MRGPRX2: variants seen among roughly 807,000 people sequenced by gnomAD.
The protein encoded by MRGPRX2 is MAS related GPR family member X2.
For synonymous variants in MRGPRX2, 183 were observed against 175.6 expected (o/e 1.04, Z -0.33); for missense variants, 389 against 404.5 (o/e 0.96, Z 0.33).
Position 19,056,033 on chromosome 11 carries a change from T to C in MRGPRX2, c.370A>G (p.Ser124Gly). The C allele has an allele frequency of 1.2e-6, 2 of 1,614,192 alleles. No individual in the cohort carries two copies. The highest frequency in any genetic ancestry group is 1.7e-6 in the Non-Finnish European group (2 of 1,180,018). ...LAGLSMLSTV[S>G]TERCLSVLWP... ...AGGACGGACAGGCAGCGCTCGGTGC[T>C]GACGGTGCTCAGCATGCTCAGGCCT... The change falls in exon 2 of 2, where the codon AGC (serine) becomes GGC (glycine). Residue 124 changes from serine (S) to glycine (G), a missense_variant. Transcript: ENST00000329773.
At chr11:19,057,845 G>T (rs191096747) in intron 1 of MRGPRX2, among the ~76,000 whole-genome samples, 1 of 152,286 alleles carries the variant, frequency 6.6e-6, no homozygotes, top group Non-Finnish European at 1.5e-5. Context: ...AAGCACAAAT[G>T]TATTGAGTAA....
intron 1 of MRGPRX2, among the ~76,000 whole-genome samples, chr11:19,059,889 T>G (rs12804585): frequency 0.48 from 73,467 of 151,504 alleles, 20,362 homozygotes; most frequent in Non-Finnish European, 0.61. Flanking sequence ...ACATTGACAG[T>G]AGATTGGGGG....
intron 1 of MRGPRX2, among the ~76,000 whole-genome samples, chr11:19,059,228 C>G (rs1015671146): frequency 2.6e-5 from 4 of 152,162 alleles, no homozygotes; most frequent in East Asian, 3.9e-4. Flanking sequence ...AGTGATATAA[C>G]CAGCTACTCC....
chr11:19,056,475 T>C (rs10833050), intron 1 of MRGPRX2, 48 bp from the exon 2 acceptor site: 403,617 of 1,529,738 alleles, frequency 0.26, 54,564 homozygotes, highest in African/African-American at 0.41. Flanking sequence ...TTCACTGATT[T>C]TCATGACCAG....
In MRGPRX2 at chr11:19,055,458, T is replaced by G; in HGVS notation, c.945A>C (p.Gly315=). ...QDIAEVDHSE[G]CFRQGTPEMS... is the part of the protein sequence containing the mutation. ...TCTCCGGGGTGCCCTGACGGAAGCATCCTTCACTGTGATCCACCTCAGCAA... is the reference window on the plus strand; with the variant it reads ...TCTCCGGGGTGCCCTGACGGAAGCAGCCTTCACTGTGATCCACCTCAGCAA... The change falls in exon 2 of 2, where the codon GGA becomes GGC. Residue 315 remains glycine, a synonymous_variant. Transcript: ENST00000329773. The G allele has an allele frequency of 6.2e-7, 1 of 1,612,618 alleles. No individual in the cohort carries two copies. The highest frequency in any genetic ancestry group is 1.7e-5 in the Admixed American group (1 of 60,010).
intron 1 of MRGPRX2, among the ~76,000 whole-genome samples, chr11:19,059,923 C>T (rs1469502711): frequency 1.3e-5 from 2 of 152,296 alleles, no homozygotes; most frequent in East Asian, 3.9e-4. Context: ...AATTTCCTGG[C>T]TCTCTCCCTG....
intron 1 of MRGPRX2, among the ~76,000 whole-genome samples, chr11:19,058,423 A>ATT (rs35629793): frequency 5.3e-4 from 75 of 141,232 alleles, no homozygotes; most frequent in Admixed American, 1.2e-3. Context: ...TTGCACCTGT[A>ATT]TTTTTTTTTT....
intron 1 of MRGPRX2, among the ~76,000 whole-genome samples, chr11:19,059,930 C>T (rs942397074): frequency 2.6e-5 from 4 of 152,178 alleles, no homozygotes; most frequent in African/African-American, 9.7e-5. Flanking sequence ...TGGCTCTCTC[C>T]CTGCGCCCTG....
At chr11:19,058,238 A>C (rs1849635933) in intron 1 of MRGPRX2, among the ~76,000 whole-genome samples, 2 of 152,178 alleles carry the variant, frequency 1.3e-5, no homozygotes, top group African/African-American at 2.4e-5. Context: ...CCAAGGGGAA[A>C]GTGAATGTGT....
chr11:19,059,965 G>A (rs1013667865), intron 1 of MRGPRX2, among the ~76,000 whole-genome samples: 3 of 152,226 alleles, frequency 2.0e-5, no homozygotes, highest in Non-Finnish European at 4.4e-5. Flanking sequence ...GGCAGTGGCA[G>A]TGTTTTTCTA....
chr11:19,059,638 A>C (rs928111284), intron 1 of MRGPRX2, among the ~76,000 whole-genome samples: 1 of 152,182 alleles, frequency 6.6e-6, no homozygotes, highest in Non-Finnish European at 1.5e-5. Context: ...ATAGAATGAG[A>C]AATTGATTCA....
At chr11:19,058,473 T>C (rs998604986) in intron 1 of MRGPRX2, among the ~76,000 whole-genome samples, 1 of 150,838 alleles carries the variant, frequency 6.6e-6, no homozygotes, top group African/African-American at 2.4e-5. Context: ...CAGGCTGGAG[T>C]GCAGTGGCTC....
rs987252155 is a variant in MRGPRX2 at position 19,055,389 on chromosome 11, G to A, written c.*21C>T. ...CCTCTCAAAGCCACATATATCTGATGGAAGTAGAGGCTGTCCATCTCTACA... is the reference window on the plus strand; with the variant it reads ...CCTCTCAAAGCCACATATATCTGATAGAAGTAGAGGCTGTCCATCTCTACA... On this transcript the variant is annotated 3_prime_UTR_variant, in exon 2 of 2. Transcript: ENST00000329773. 2 of 1,578,476 alleles carry A rather than the reference G, an allele frequency of 1.3e-6. No homozygotes were observed. The highest frequency in any genetic ancestry group is 1.7e-6 in the Non-Finnish European group (2 of 1,158,656).
At chr11:19,059,826 G>A (rs1165674177) in intron 1 of MRGPRX2, among the ~76,000 whole-genome samples, 1 of 152,152 alleles carries the variant, frequency 6.6e-6, no homozygotes, top group Non-Finnish European at 1.5e-5. Flanking sequence ...GGCTCCAAAG[G>A]GTACACATTG....
intron 1 of MRGPRX2, among the ~76,000 whole-genome samples, chr11:19,060,210 C>T (rs919615487): frequency 1.3e-5 from 2 of 152,132 alleles, no homozygotes; most frequent in Non-Finnish European, 2.9e-5. Flanking sequence ...CTAAACTACC[C>T]CTTTAGAGTG....
rs1411839482 is a variant in MRGPRX2, at chr11:19,055,852, T to C, written c.551A>G (p.Asp184Gly). Residue 184 changes from aspartate to glycine, a missense_variant, in exon 2 of 2, where the codon GAT becomes GGT. Coordinates refer to ENST00000329773, the MANE Select transcript of MRGPRX2 (RefSeq NM_054030.4). ...AATCAGCCACGCTGCAGTGATGAAA[T>C]CAAATGTCTGACACCAACCAGAGTC... ...DGDSGWCQTF[D>G]FITAAWLIFL... 1 of 1,613,590 alleles carries C rather than the reference T, an allele frequency of 6.2e-7. No individual in the cohort carries two copies. The highest frequency in any genetic ancestry group is 8.5e-7 in the Non-Finnish European group (1 of 1,179,956).
At chr11:19,059,516 C>T (rs1849648984) in intron 1 of MRGPRX2, among the ~76,000 whole-genome samples, 2 of 152,034 alleles carry the variant, frequency 1.3e-5, no homozygotes, top group Non-Finnish European at 2.9e-5. Context: ...CTCCCAATCC[C>T]TTTTTTTCCC....
chr11:19,059,944 G>T (rs1849654127), intron 1 of MRGPRX2, among the ~76,000 whole-genome samples: 1 of 152,178 alleles, frequency 6.6e-6, no homozygotes, highest in Admixed American at 6.5e-5. Context: ...CGCCCTGAAG[G>T]GCTGTGAGTT....
Position 19,055,733 on chromosome 11 carries a change from T to C in MRGPRX2, c.670A>G (p.Thr224Ala), listed in dbSNP as rs572101439. 6 of 1,613,964 alleles carry C rather than the reference T, an allele frequency of 3.7e-6. No homozygotes were observed. Among genetic ancestry groups the C allele is most frequent in the East Asian group, 4.5e-5 (2 of 44,874 alleles). The change falls in exon 2 of 2, where the codon ACC becomes GCC. Residue 224 changes from threonine (T) to alanine (A), a missense_variant. Physicochemically the swap from Thr to Ala is moderately conservative, Grantham distance 58 (BLOSUM62 0). Coordinates refer to ENST00000329773, the MANE Select transcript of MRGPRX2 (RefSeq NM_054030.4). ...AACACCAGCACTGTGAGCAGGATGG[T>C]CAGGTACAGCCTGGTCAGTGGCAGA... ...RGLPLTRLYLTILLTVLVFLL... is the reference protein window; with the variant it reads ...RGLPLTRLYLAILLTVLVFLL...
Sources: gnomAD v4.1 joint callset for allele counts (sites outside exome capture counted in the v4.1 genomes callset) on GRCh38, gnomAD v4.1.1 for gene constraint, MANE v1.5 for transcripts, NCBI Gene and HGNC (gene_info 2026-07-23, HGNC 2026-07-21) for gene names.